Variants in HGSNAT observed in about 807,000 individuals in gnomAD.
The protein encoded by HGSNAT is heparan-alpha-glucosaminide N-acetyltransferase, also known as transmembrane protein 76.
A neutral mutation model predicts 85.2 loss-of-function variants in HGSNAT; 59 were observed. The ratio of observed to expected loss-of-function variants is 0.69; its 90% confidence interval spans 0.56 to 0.86. HGSNAT has a LOEUF of 0.86. Among genes scored for constraint, HGSNAT ranks in the 40% least tolerant of loss-of-function variants. The probability of loss-of-function intolerance (pLI) is 0.00; values close to 1 mark genes in which losing one functional copy is unlikely to be tolerated. For synonymous variants in HGSNAT, 321 were observed against 304.5 expected (o/e 1.05, Z -0.56); for missense variants, 756 against 777.1 (o/e 0.97, Z 0.32).
chr8:43,177,932 T>TGTTA, intron 9 of HGSNAT, 142 bp from the exon 10 acceptor site: 5 of 723,252 alleles, frequency 6.9e-6, no homozygotes, highest in Non-Finnish European at 1.2e-5. Context: ...CTTCCTCTAC[T>TGTTA]GTTAGCTCAG....
Position 43,170,656 on chromosome 8 carries a change from C to A in HGSNAT, c.705C>A (p.Ala235=). The change falls in exon 7 of 18, where the codon GCC becomes GCA. Residue 235 remains alanine, a synonymous_variant. Transcript: ENST00000379644. ...DVQPATWRLS[A]LPPRLRSVDT... is the part of the protein sequence containing the mutation. ...AGCCAGCAACGTGGCGTCTATCTGC[C>A]CTGCCGCCCCGCCTCCGCAGCGTGG... is the stretch of plus-strand genomic sequence containing the variant. The A allele has an allele frequency of 6.2e-7, 1 of 1,608,238 alleles. No individual in the cohort carries two copies. Among genetic ancestry groups the A allele is most frequent in the South Asian group, 1.1e-5 (1 of 89,552 alleles).
Position 43,178,194 on chromosome 8 carries a change from AG to A in HGSNAT, c.974del (p.Gly325GlufsTer5). The A allele has an allele frequency of 1.3e-6, 2 of 1,570,610 alleles. No individual in the cohort carries two copies. The highest frequency in any genetic ancestry group is 1.7e-6 in the Non-Finnish European group (2 of 1,162,404). ...GGAGGAGTTTCCTGTTAATCTGCAT[AG>A]GAATTATCATTGTGAATCCCAATTA... Reference protein sequence around the residue: ...AWRSFLLICIGIIIVNPNYCL... With the variant: ...AWRSFLLICIXIIIVNPNYCL... On this transcript the variant is annotated frameshift_variant, in exon 10 of 18. Transcript: ENST00000379644. LOFTEE classifies it high-confidence loss of function.
At chr8:43,190,018 C>A (rs1435082462) in intron 11 of HGSNAT, among the ~76,000 whole-genome samples, 1 of 152,170 alleles carries the variant, frequency 6.6e-6, no homozygotes, top group South Asian at 2.1e-4. Context: ...GTGTAAAATT[C>A]ATGTAACGTT....
intron 1 of HGSNAT, among the ~76,000 whole-genome samples, chr8:43,145,185 A>C (rs1802672689): frequency 6.6e-6 from 1 of 152,212 alleles, no homozygotes; most frequent in South Asian, 2.1e-4. Flanking sequence ...ACAACTTCCG[A>C]ACTTCTAGAA....
chr8:43,158,122 CAG>C (rs1057020232), intron 2 of HGSNAT, among the ~76,000 whole-genome samples: 2 of 151,922 alleles, frequency 1.3e-5, no homozygotes, highest in African/African-American at 4.8e-5. Flanking sequence ...TGTTTTGAGA[CAG>C]AGTCTTGCTC....
At position 43,178,241 on chromosome 8, in the gene HGSNAT, A is replaced by G. The variant is rs769973702; in HGVS notation, c.1012+7A>G. On this transcript the variant is annotated splice_region_variant and intron_variant, in intron 10 of 17. Transcript: ENST00000379644. Reference sequence around the variant, plus strand: ...AATTATTGCCTTGGTCCATGTAAGTACTTTTTCCCTCTGTTATATATATTC... The same window carrying G: ...AATTATTGCCTTGGTCCATGTAAGTGCTTTTTCCCTCTGTTATATATATTC... 4 of 1,511,802 alleles carry G rather than the reference A, an allele frequency of 2.6e-6. No homozygotes were observed. The highest frequency in any genetic ancestry group is 2.8e-5 in the African/African-American group (2 of 71,476). 93.6% of individuals were successfully genotyped at this position (1,511,802 alleles called of 1,614,324 possible).
intron 6 of HGSNAT, 151 bp from the exon 7 acceptor site, chr8:43,170,434 C>T: frequency 1.5e-6 from 1 of 686,524 alleles, no homozygotes; most frequent in Non-Finnish European, 2.5e-6. Flanking sequence ...GAGCCAAGGT[C>T]TTGCCATTGC....
intron 10 of HGSNAT, among the ~76,000 whole-genome samples, chr8:43,178,737 G>A (rs2130768234): frequency 6.7e-6 from 1 of 149,772 alleles, no homozygotes; most frequent in Admixed American, 6.6e-5. Context: ...GTTTTCCTAG[G>A]CAGAGGACCC....
At position 43,144,044 on chromosome 8, in the gene HGSNAT, T is replaced by C. The variant is rs115589497; in HGVS notation, c.119-2904T>C. 5.3e-3 allele frequency among the ~76,000 whole-genome samples: 812 copies of C among 152,094 alleles called. 2 individuals are homozygous for C. Among genetic ancestry groups the C allele is most frequent in the Middle Eastern group, 0.027 (8 of 294 alleles). Reference sequence around the variant, plus strand: ...TTAAAGATTTTACTCTTGGGCCCGGTGTGGTGGCTCACGCCTGTAGTCCTA... The same window carrying C: ...TTAAAGATTTTACTCTTGGGCCCGGCGTGGTGGCTCACGCCTGTAGTCCTA... On this transcript the variant is annotated intron_variant, in intron 1 of 17. Coordinates refer to ENST00000379644, the MANE Select transcript of HGSNAT (RefSeq NM_152419.3).
intron 14 of HGSNAT, chr8:43,194,188 G>C: frequency 1.3e-6 from 1 of 788,014 alleles, no homozygotes; most frequent in Non-Finnish European, 1.6e-6. Context: ...GCTTGAGTCC[G>C]GGAGTTTGAG....
At chr8:43,193,678 T>C (rs954843134) in intron 13 of HGSNAT, 79 bp from the exon 14 acceptor site, 10 of 893,298 alleles carry the variant, frequency 1.1e-5, no homozygotes, top group Admixed American at 4.1e-5. Context: ...TGTATTCAGG[T>C]TTGTATTTGG....
At chr8:43,168,361 G>T (rs1586722930) in intron 5 of HGSNAT, among the ~76,000 whole-genome samples, 1 of 116,666 alleles carries the variant, frequency 8.6e-6, no homozygotes, top group Non-Finnish European at 1.9e-5. Context: ...TTAGGTTTTT[G>T]CTTTTTGTAT....
At chr8:43,161,142 A>G (rs570048543) in intron 4 of HGSNAT, among the ~76,000 whole-genome samples, 1 of 152,120 alleles carries the variant, frequency 6.6e-6, no homozygotes, top group South Asian at 2.1e-4. Context: ...AAAGCAGGAC[A>G]TGGGGGTGGG....
intron 13 of HGSNAT, among the ~76,000 whole-genome samples, chr8:43,193,329 CAT>C (rs1804604363): frequency 6.6e-6 from 1 of 152,172 alleles, no homozygotes; most frequent in South Asian, 2.1e-4. Context: ...AAAAAAGAAA[CAT>C]ATTTAAAAAT....
Position 43,146,974 on chromosome 8 carries a change from C to A in HGSNAT, c.145C>A (p.Leu49Met), listed in dbSNP as rs372961495. ...RDLDKKRHAE[L>M]KMDQALLLIH... ...CTTAGACAAAAAAAGACATGCAGAG[C>A]TGAAGATGGATCAGGCTTTGCTACT... is the stretch of plus-strand genomic sequence containing the variant. Residue 49 changes from leucine (L) to methionine (M), a missense_variant, in exon 2 of 18, where the codon CTG (leucine) becomes ATG (methionine). Transcript: ENST00000379644. The A allele has an allele frequency of 4.5e-5, 73 of 1,604,476 alleles. 2 individuals are homozygous for A. In the African/African-American group the frequency reaches 6.5e-4, roughly 14 times the overall value.
chr8:43,143,072 TGAAAAA>T (rs1802601725), intron 1 of HGSNAT, among the ~76,000 whole-genome samples: 1 of 151,846 alleles, frequency 6.6e-6, no homozygotes, highest in African/African-American at 2.4e-5. Flanking sequence ...AGAAGGGAAA[TGAAAAA>T]GAACTATTTT....
rs532783991 is a variant in HGSNAT, at chr8:43,185,623, T to C, written c.1128+3363T>C. ...CTTCCTCCTTTCCTAATTGAATACCTTTTATTTCTTTCTCCTGCCTGATTG... is the reference window on the plus strand; with the variant it reads ...CTTCCTCCTTTCCTAATTGAATACCCTTTATTTCTTTCTCCTGCCTGATTG... On this transcript the variant is annotated intron_variant, in intron 11 of 17. Coordinates refer to ENST00000379644, the MANE Select transcript of HGSNAT (RefSeq NM_152419.3). 1.1e-3 allele frequency among the ~76,000 whole-genome samples: 167 copies of C among 152,262 alleles called. 1 individual carries two copies. Among genetic ancestry groups the C allele is most frequent in the South Asian group, 0.011 (51 of 4,820 alleles).
At chr8:43,184,627 G>A (rs1282616861) in intron 11 of HGSNAT, among the ~76,000 whole-genome samples, 1 of 152,162 alleles carries the variant, frequency 6.6e-6, no homozygotes, top group Non-Finnish European at 1.5e-5. Flanking sequence ...CTGTGCAGAA[G>A]CTCTTTAGTT....
chr8:43,161,492 T>C lies in HGSNAT; in HGVS notation c.548T>C (p.Leu183Pro). 6.2e-7 allele frequency: 1 copy of C among 1,608,894 alleles called. No homozygotes were observed. Among genetic ancestry groups the C allele is most frequent in the Non-Finnish European group, 8.5e-7 (1 of 1,177,370 alleles). ...GCTGTCATCATTGTGATATCCTTTC[T>C]GAGGCTCTTGTTGAGGTAAGATATT... ...GLAVIIVISF[L>P]RLLLSLDDFN... The change falls in exon 5 of 18, where the codon CTG (leucine) becomes CCG (proline). Residue 183 changes from leucine to proline, a missense_variant. Transcript: ENST00000379644.
Sources: gnomAD v4.1 joint callset for allele counts (sites outside exome capture counted in the v4.1 genomes callset) on GRCh38, gnomAD v4.1.1 for gene constraint, MANE v1.5 for transcripts, NCBI Gene and HGNC (gene_info 2026-07-23, HGNC 2026-07-21) for gene names.